The following DMD variants were observed in gnomAD, a reference collection of about 807,000 sequenced individuals.
DMD encodes mutant dystrophin.
A neutral mutation model predicts 330.1 loss-of-function variants in DMD; 63 were observed. The observed-to-expected ratio is 0.19, with a 90% CI of 0.16 to 0.24. The LOEUF is 0.24. Ranked by LOEUF, DMD falls within the 10% of genes least tolerant of loss-of-function variation. The pLI, the probability that DMD is intolerant of heterozygous loss-of-function variation, is 1.00. For synonymous variants in DMD, 1,223 were observed against 959.8 expected, an observed-to-expected ratio of 1.27 and a Z score of -5.07; for missense variants, 3,344 against 2,684.1, an observed-to-expected ratio of 1.25 and a Z score of -5.43.
At chrX:31,971,034 T>A (rs940150381) in intron 44 of DMD, among the ~76,000 whole-genome samples, 17 of 111,602 alleles carry the variant, frequency 1.5e-4, no homozygotes, top group Non-Finnish European at 1.9e-5. Flanking sequence ...TAGACTTTAA[T>A]GCGCATACAA....
At chrX:31,681,357 G>C (rs1603445937) in intron 52 of DMD, among the ~76,000 whole-genome samples, 1 of 102,279 alleles carries the variant, frequency 9.8e-6, no homozygotes, top group Non-Finnish European at 1.9e-5. Context: ...CCTTGCAACA[G>C]TAGAGCTGTT....
At chrX:32,757,328 T>C (rs1477024030) in intron 7 of DMD, among the ~76,000 whole-genome samples, 1 of 111,839 alleles carries the variant, frequency 8.9e-6, no homozygotes, top group Non-Finnish European at 1.9e-5. Flanking sequence ...AGTTATATGA[T>C]TCAGGGATAT....
At chrX:32,814,003 A>T (rs2077550810) in intron 6 of DMD, among the ~76,000 whole-genome samples, 1 of 111,639 alleles carries the variant, frequency 9.0e-6, no homozygotes, top group Non-Finnish European at 1.9e-5. Flanking sequence ...AAACATTATC[A>T]CACATATTAT....
intron 75 of DMD, 101 bp from the exon 76 acceptor site, chrX:31,146,515 C>T: frequency 1.1e-6 from 1 of 903,452 alleles, no homozygotes; most frequent in Admixed American, 2.6e-5. Flanking sequence ...AATTTTGACC[C>T]TTCCTACTTT....
intron 29 of DMD, among the ~76,000 whole-genome samples, chrX:32,434,340 G>A (rs185991094): frequency 5.4e-5 from 6 of 111,910 alleles, no homozygotes; most frequent in Non-Finnish European, 1.1e-4. Context: ...AACCCAGGAG[G>A]CAGAGGTTGC....
chrX:32,844,651 G>T, intron 4 of DMD, 132 bp downstream of exon 4: 1 of 550,583 alleles, frequency 1.8e-6, no homozygotes, highest in Non-Finnish European at 3.2e-6. Flanking sequence ...TACAACATGT[G>T]CTCTCAGTAA....
At chrX:31,911,399 G>T (rs958337718) in intron 47 of DMD, among the ~76,000 whole-genome samples, 1 of 111,732 alleles carries the variant, frequency 8.9e-6, no homozygotes, top group Non-Finnish European at 1.9e-5. Context: ...GACTACAAAA[G>T]TAAGTGTTGT....
At chrX:31,181,428 C>T (rs756789444) in intron 68 of DMD, among the ~76,000 whole-genome samples, 1 of 111,334 alleles carries the variant, frequency 9.0e-6, no homozygotes, top group South Asian at 3.8e-4. Flanking sequence ...CCAAGGCATT[C>T]TTCTTCTTTA....
chrX:31,434,627 C>T (rs1432312854), intron 60 of DMD, among the ~76,000 whole-genome samples: 1 of 111,398 alleles, frequency 9.0e-6, no homozygotes, highest in African/African-American at 3.3e-5. Flanking sequence ...GACTGAATCC[C>T]TATCATCTCA....
At chrX:31,808,990 T>C (rs1360578309) in intron 50 of DMD, among the ~76,000 whole-genome samples, 1 of 109,838 alleles carries the variant, frequency 9.1e-6, no homozygotes, top group East Asian at 2.8e-4. Flanking sequence ...TTTATTTATA[T>C]TGTGTATTCA....
intron 4 of DMD, among the ~76,000 whole-genome samples, chrX:32,828,498 C>CATAT (rs750669648): frequency 1.8e-5 from 2 of 108,957 alleles, no homozygotes; most frequent in African/African-American, 3.4e-5. Context: ...TACATCTATA[C>CATAT]ATATATATAT....
intron 50 of DMD, among the ~76,000 whole-genome samples, chrX:31,816,826 A>C (rs1421542122): frequency 9.0e-6 from 1 of 111,075 alleles, no homozygotes; most frequent in East Asian, 2.8e-4. Flanking sequence ...ACACACAAAG[A>C]AAAAAGAAAG....
intron 57 of DMD, among the ~76,000 whole-genome samples, chrX:31,481,573 C>T (rs748080363): frequency 9.0e-6 from 1 of 111,645 alleles, no homozygotes; most frequent in Non-Finnish European, 1.9e-5. Flanking sequence ...GATGAGCAAA[C>T]GCTGGGTGCA....
chrX:32,427,276 G>A lies in DMD; in HGVS notation c.4071+10965C>T, dbSNP rs747010058. Among the ~76,000 whole-genome samples, 52 of 111,320 alleles carry A rather than the reference G, an allele frequency of 4.7e-4. 1 individual carries two copies. Among genetic ancestry groups the A allele is most frequent in the African/African-American group, 1.7e-3 (51 of 30,702 alleles). On this transcript the variant is annotated intron_variant, in intron 29 of 78. Coordinates refer to ENST00000357033, the MANE Select transcript of DMD (RefSeq NM_004006.3). ...ACGGTGTTGGGTAGCTTTGATAGGA[G>A]CTGTCATCTGAGTATGTTAAGTTTG...
chrX:33,085,014 A>G (rs2094984277), intron 1 of DMD, among the ~76,000 whole-genome samples: 3 of 111,183 alleles, frequency 2.7e-5, no homozygotes, highest in Non-Finnish European at 5.7e-5. Context: ...GTTAATTGTT[A>G]TCAGTTGTAC....
At chrX:33,008,673 A>G (rs2093447074) in intron 2 of DMD, among the ~76,000 whole-genome samples, 1 of 109,019 alleles carries the variant, frequency 9.2e-6, no homozygotes, top group African/African-American at 3.3e-5. Flanking sequence ...ACACAATTAT[A>G]TTAATATCTT....
At chrX:32,252,757 T>A (rs1475482038) in intron 43 of DMD, among the ~76,000 whole-genome samples, 2 of 28,524 alleles carry the variant, frequency 7.0e-5, no homozygotes, top group Non-Finnish European at 8.9e-5. Flanking sequence ...TATATATAAA[T>A]ATATAAATAT....
At chrX:31,415,446 G>A (rs1350772701) in intron 60 of DMD, among the ~76,000 whole-genome samples, 2 of 111,997 alleles carry the variant, frequency 1.8e-5, no homozygotes, top group Non-Finnish European at 3.8e-5. Flanking sequence ...AGTTACTCCA[G>A]GAATGACCAC....
intron 55 of DMD, among the ~76,000 whole-genome samples, chrX:31,610,594 T>G (rs1214722143): frequency 1.8e-5 from 2 of 112,290 alleles, no homozygotes; most frequent in Non-Finnish European, 3.8e-5. Flanking sequence ...AGAAATTGAT[T>G]ATAATGAAAC....
Sources: gnomAD v4.1 joint callset for allele counts (sites outside exome capture counted in the v4.1 genomes callset) on GRCh38, gnomAD v4.1.1 for gene constraint, MANE v1.5 for transcripts, NCBI Gene and HGNC (gene_info 2026-07-23, HGNC 2026-07-21) for gene names.